Variants in DNMT3B observed in about 807,000 individuals in gnomAD.
DNMT3B encodes the protein DNA (cytosine-5)-methyltransferase 3B.
A neutral mutation model predicts 120.2 loss-of-function variants in DNMT3B; 37 were observed. That is an observed-to-expected ratio of 0.31 (90% CI 0.24 to 0.40). DNMT3B has a LOEUF of 0.40. DNMT3B is among the 10% of genes least tolerant of loss of function. DNMT3B has a pLI of 1.00. For missense variants in DNMT3B, 878 were observed against 1,137.3 expected (o/e 0.77, Z 3.28); for synonymous variants, 412 against 442.8 (o/e 0.93, Z 0.87).
chr20:32,800,395 C>T (rs1215496441), intron 17 of DNMT3B, 97 bp downstream of exon 17: 2 of 1,541,428 alleles, frequency 1.3e-6, no homozygotes, highest in African/African-American at 1.4e-5. Context: ...ATCCCTGAGA[C>T]CCCAGAAAAA....
intron 14 of DNMT3B, 62 bp downstream of exon 14, chr20:32,797,361 G>A: frequency 6.6e-7 from 1 of 1,505,242 alleles, no homozygotes. Context: ...CGTTCCTGCA[G>A]TCTGCAGACA....
Position 32,792,739 on chromosome 20 carries a change from C to G in DNMT3B, c.1035C>G (p.Ile345Met), listed in dbSNP as rs150148922. The G allele has an allele frequency of 1.2e-6, 2 of 1,614,100 alleles. No homozygotes were observed. Among genetic ancestry groups the G allele is most frequent in the Non-Finnish European group, 1.7e-6 (2 of 1,180,048 alleles). ...ACGGGGGCTTCAAGCCCACTGGGAT[C>G]GAGGGCCTCAAACCCAACAACACGC... is the stretch of plus-strand genomic sequence containing the variant. The part of the protein sequence containing the change: ...WAHGGFKPTG[I>M]EGLKPNNTQP... Residue 345 changes from isoleucine (I) to methionine (M), a missense_variant, in exon 9 of 23, where the codon ATC becomes ATG. Ile to Met is a conservative substitution (Grantham distance 10). Around this residue, in one of 4 missense-constraint regions of DNMT3B, gnomAD observed 207 missense variants for 222.6 expected, o/e 0.93. Coordinates refer to ENST00000328111, the MANE Select transcript of DNMT3B (RefSeq NM_006892.4).
At position 32,796,791 on chromosome 20, in the gene DNMT3B, T is replaced by C. The variant is rs142106239; in HGVS notation, c.1299T>C (p.Asp433=). 49 of 1,614,242 alleles carry C rather than the reference T, an allele frequency of 3.0e-5. No homozygotes were observed. In the African/African-American group the frequency reaches 5.9e-4, roughly 19 times the overall value. ...DVANNKSSLE[D]GCLSCGRKNP... ...GCCACAACCCTGTTTTTCTTACAGATGGCTGTTTGTCTTGTGGCAGGAAAA... is the reference window on the plus strand; with the variant it reads ...GCCACAACCCTGTTTTTCTTACAGACGGCTGTTTGTCTTGTGGCAGGAAAA... Residue 433 remains aspartate (D), a splice_region_variant and synonymous_variant, in exon 13 of 23, where the codon GAT becomes GAC. Coordinates refer to ENST00000328111, the MANE Select transcript of DNMT3B (RefSeq NM_006892.4).
chr20:32,773,105 C>T (rs1987842134), intron 1 of DNMT3B, among the ~76,000 whole-genome samples: 1 of 145,994 alleles, frequency 6.8e-6, no homozygotes, highest in African/African-American at 2.5e-5. Flanking sequence ...AGACGTGAGC[C>T]ACTGTGCCTG....
At chr20:32,798,772 G>C (rs1412131697) in intron 15 of DNMT3B, 129 bp downstream of exon 15, 13 of 1,344,592 alleles carry the variant, frequency 9.7e-6, no homozygotes, top group African/African-American at 1.5e-5. Context: ...CAATGGCTGA[G>C]AGACCTGGCG....
intron 3 of DNMT3B, among the ~76,000 whole-genome samples, chr20:32,783,091 A>T (rs571196606): frequency 2.6e-5 from 4 of 151,860 alleles, no homozygotes; most frequent in African/African-American, 9.7e-5. Flanking sequence ...TACCCAGCCA[A>T]TTTTTTTGTA....
At chr20:32,779,973 G>C in intron 1 of DNMT3B, 1 of 1,106,598 alleles carries the variant, frequency 9.0e-7, no homozygotes, top group Non-Finnish European at 1.3e-6. Context: ...GGCGGCAGAC[G>C]GGCCGGGACA....
intron 1 of DNMT3B, among the ~76,000 whole-genome samples, chr20:32,774,369 C>T (rs1032448864): frequency 1.3e-5 from 2 of 151,900 alleles, no homozygotes; most frequent in African/African-American, 4.8e-5. Context: ...ACCACCATGC[C>T]CGGCTAATTT....
intron 7 of DNMT3B, among the ~76,000 whole-genome samples, chr20:32,789,950 T>C (rs1217940105): frequency 6.6e-6 from 1 of 152,222 alleles, no homozygotes; most frequent in Non-Finnish European, 1.5e-5. Flanking sequence ...AAGTAAATGT[T>C]AGTCCTACCC....
At chr20:32,806,888 C>T (rs1425479120) in intron 22 of DNMT3B, among the ~76,000 whole-genome samples, 1 of 152,036 alleles carries the variant, frequency 6.6e-6, no homozygotes, top group Admixed American at 6.6e-5. Flanking sequence ...TTGAACATTC[C>T]TCTTTACATG....
In DNMT3B at chr20:32,778,766, G is replaced by A. The variant is rs528696388; in HGVS notation, c.-6-1552G>A. On this transcript the variant is annotated intron_variant, in intron 1 of 22. Coordinates refer to ENST00000328111, the MANE Select transcript of DNMT3B (RefSeq NM_006892.4). Reference sequence around the variant, plus strand: ...CCTTGAGGCCAGGAGTTTGAGGCCAGCCTGGGCAACATAGCCAGACTCTGT... The same window carrying A: ...CCTTGAGGCCAGGAGTTTGAGGCCAACCTGGGCAACATAGCCAGACTCTGT... 2.0e-5 allele frequency among the ~76,000 whole-genome samples: 3 copies of A among 152,322 alleles called. 1 individual carries two copies. In the South Asian group the frequency reaches 6.2e-4, roughly 32 times the overall value.
rs531427549 is a variant in DNMT3B at position 32,783,708 on chromosome 20, C to T, written c.205-1050C>T. On this transcript the variant is annotated intron_variant, in intron 3 of 22. Coordinates refer to ENST00000328111, the MANE Select transcript of DNMT3B (RefSeq NM_006892.4). Reference sequence around the variant, plus strand: ...CCAGAAACAGTAATGAAATCTCTTGCCCACACGTTTCTTTTTGTTTGTTTG... The same window carrying T: ...CCAGAAACAGTAATGAAATCTCTTGTCCACACGTTTCTTTTTGTTTGTTTG... 2.0e-4 allele frequency among the ~76,000 whole-genome samples: 31 copies of T among 151,998 alleles called. No homozygotes were observed. The East Asian group carries it at 4.8e-3, about 24-fold the overall frequency.
chr20:32,773,934 G>GGTTTTTTTTT (rs1987901194), intron 1 of DNMT3B, among the ~76,000 whole-genome samples: 1 of 69,130 alleles, frequency 1.4e-5, no homozygotes, highest in African/African-American at 6.6e-5. Context: ...CCCGGCAGTG[G>GGTTTTTTTTT]TTTTTTTTTT....
chr20:32,786,747 C>T, intron 5 of DNMT3B, 120 bp downstream of exon 5: 1 of 1,523,978 alleles, frequency 6.6e-7, no homozygotes, highest in South Asian at 1.2e-5. Context: ...CACTGCTTTT[C>T]AGGTTCTTGC....
intron 8 of DNMT3B, among the ~76,000 whole-genome samples, chr20:32,792,407 G>T (rs1256150343): frequency 6.6e-6 from 1 of 152,154 alleles, no homozygotes; most frequent in African/African-American, 2.4e-5. Flanking sequence ...CCTATTTGGT[G>T]CCTGCATGAA....
chr20:32,781,320 C>T, intron 2 of DNMT3B, 33 bp from the exon 3 acceptor site: 1 of 1,578,406 alleles, frequency 6.3e-7, no homozygotes. Context: ...TGCCTGCCCC[C>T]ACAAAACAGA....
At chr20:32,801,842 G>A (rs986171714) in intron 19 of DNMT3B, among the ~76,000 whole-genome samples, 2 of 152,086 alleles carry the variant, frequency 1.3e-5, no homozygotes, top group East Asian at 1.9e-4. Context: ...ACCTCCCAAC[G>A]TGTTGGGATT....
chr20:32,783,912 A>ATT (rs3080495), intron 3 of DNMT3B, among the ~76,000 whole-genome samples: 2,617 of 134,294 alleles, frequency 0.019, 33 homozygotes, highest in South Asian at 0.047. Flanking sequence ...TTGTATTTGT[A>ATT]TTTTTTTTTT....
At position 32,797,434 on chromosome 20, in the gene DNMT3B, C is replaced by T. The variant is rs922682639; in HGVS notation, c.1490+135C>T. 13 of 797,138 alleles carry T rather than the reference C, an allele frequency of 1.6e-5. No homozygotes were observed. In the East Asian group the frequency reaches 2.9e-4, roughly 18 times the overall value. 49.4% of individuals were successfully genotyped at this position (797,138 alleles called of 1,614,324 possible). The stretch of plus-strand genomic sequence containing the variant: ...GAGCTAATTTGCCCTGGAAGCAGCA[C>T]ACAGGGTTTATATTTTGTGGTGGCT... On this transcript the variant is annotated intron_variant, in intron 14 of 22. Coordinates refer to ENST00000328111, the MANE Select transcript of DNMT3B (RefSeq NM_006892.4).
Sources: allele counts gnomAD v4.1 joint callset (sites outside exome capture counted in the v4.1 genomes callset), GRCh38; gene constraint gnomAD v4.1.1; regional missense constraint gnomAD v4.1.1; transcripts MANE v1.5; gene names NCBI Gene and HGNC (gene_info 2026-07-23, HGNC 2026-07-21).